The following ATP10D variants were observed in gnomAD, a reference collection of about 807,000 sequenced individuals.
ATP10D encodes the protein ATPase phospholipid transporting 10D (putative).
A neutral mutation model predicts 144.8 loss-of-function variants in ATP10D; 89 were observed. That is an observed-to-expected ratio of 0.61 (90% CI 0.52 to 0.73). The LOEUF (loss-of-function observed/expected upper bound fraction) is 0.73, where lower values mean the gene tolerates loss of function less well. ATP10D is among the 30% of genes least tolerant of loss of function. The pLI, the probability that ATP10D is intolerant of heterozygous loss-of-function variation, is 0.00. For synonymous variants in ATP10D, 571 were observed against 615.1 expected, an observed-to-expected ratio of 0.93 and a Z score of 1.06; for missense variants, 1,603 against 1,714.8, an observed-to-expected ratio of 0.93 and a Z score of 1.15.
intron 15 of ATP10D, among the ~76,000 whole-genome samples, chr4:47,566,060 A>G (rs918482286): frequency 1.3e-5 from 2 of 152,214 alleles, no homozygotes; most frequent in African/African-American, 4.8e-5. Flanking sequence ...GGAATCACTA[A>G]GAGTTTAAAA....
At chr4:47,554,951 C>T (rs970864894) in intron 11 of ATP10D, 37 bp downstream of exon 11, 2 of 1,574,504 alleles carry the variant, frequency 1.3e-6, no homozygotes, top group Admixed American at 3.4e-5. Flanking sequence ...GGGTCACTTT[C>T]CAGAAGAGAA....
At chr4:47,533,445 G>C (rs568907412) in intron 5 of ATP10D, among the ~76,000 whole-genome samples, 1 of 152,028 alleles carries the variant, frequency 6.6e-6, no homozygotes, top group Non-Finnish European at 1.5e-5. Context: ...TGATAAATCT[G>C]TCTTTCTCTT....
intron 10 of ATP10D, among the ~76,000 whole-genome samples, chr4:47,551,274 G>A (rs1718722060): frequency 6.6e-6 from 1 of 152,166 alleles, no homozygotes; most frequent in Non-Finnish European, 1.5e-5. Context: ...AATTATGAGG[G>A]TAAATCTAAA....
At chr4:47,495,878 C>G (rs1466763014) in intron 1 of ATP10D, among the ~76,000 whole-genome samples, 1 of 152,028 alleles carries the variant, frequency 6.6e-6, no homozygotes, top group Non-Finnish European at 1.5e-5. Context: ...GCTGGGATTA[C>G]CGGCATGCGC....
chr4:47,547,511 A>G (rs3924899), intron 10 of ATP10D: 36,286 of 152,114 alleles, frequency 0.24, 4,337 homozygotes, highest in Admixed American at 0.3. Flanking sequence ...CTGTGTGAAA[A>G]AAATTAGAAA....
intron 1 of ATP10D, among the ~76,000 whole-genome samples, chr4:47,486,914 C>T (rs1714789645): frequency 6.6e-6 from 1 of 152,134 alleles, no homozygotes; most frequent in South Asian, 2.1e-4. Context: ...AACCTGAATA[C>T]TTTTCATACT....
chr4:47,527,799 A>G (rs1717331676), intron 5 of ATP10D, among the ~76,000 whole-genome samples: 1 of 152,190 alleles, frequency 6.6e-6, no homozygotes, highest in Non-Finnish European at 1.5e-5. Flanking sequence ...GGAATGTAAA[A>G]TAGTACAACC....
chr4:47,506,406 T>C (rs1716022652), intron 1 of ATP10D, among the ~76,000 whole-genome samples: 1 of 152,224 alleles, frequency 6.6e-6, no homozygotes, highest in African/African-American at 2.4e-5. Context: ...GTTTCTTCAA[T>C]TCTGATCTTA....
intron 14 of ATP10D, among the ~76,000 whole-genome samples, chr4:47,563,161 A>T (rs576383867): frequency 2.0e-5 from 3 of 152,162 alleles, no homozygotes; most frequent in Admixed American, 6.5e-5. Context: ...GAGAGCCCAG[A>T]TTTCACCCCT....
intron 1 of ATP10D, chr4:47,491,595 G>T: frequency 3.1e-6 from 1 of 325,308 alleles, no homozygotes; most frequent in Non-Finnish European, 5.7e-6. Context: ...AGCAAGTCAG[G>T]GCTTCAGTTT....
intron 1 of ATP10D, among the ~76,000 whole-genome samples, chr4:47,488,245 C>A (rs1432499340): frequency 6.6e-6 from 1 of 151,532 alleles, no homozygotes; most frequent in Non-Finnish European, 1.5e-5. Context: ...GCAATGTATT[C>A]TGTAAAAAAG....
Position 47,559,040 on chromosome 4 carries a change from T to C in ATP10D, c.2541+11T>C, listed in dbSNP as rs777813912. The C allele has an allele frequency of 4.4e-6, 7 of 1,598,094 alleles. No homozygotes were observed. In the Admixed American group the frequency reaches 1.2e-4, roughly 27 times the overall value. ...TGTATAGCAAAGAAGGTGAGACTGC[T>C]TAGTGCGCTCCATCTTTTTTGTTTT... is the stretch of plus-strand genomic sequence containing the variant. On this transcript the variant is annotated intron_variant, in intron 13 of 22. Coordinates refer to ENST00000273859, the MANE Select transcript of ATP10D (RefSeq NM_020453.4).
At chr4:47,542,467 A>G (rs1047012850) in intron 9 of ATP10D, among the ~76,000 whole-genome samples, 7 of 151,940 alleles carry the variant, frequency 4.6e-5, no homozygotes, top group African/African-American at 1.7e-4. Context: ...TTTCTGAATC[A>G]CATTGTAACT....
intron 3 of ATP10D, among the ~76,000 whole-genome samples, chr4:47,518,422 T>G (rs1282440383): frequency 3.3e-5 from 5 of 152,176 alleles, no homozygotes; most frequent in Admixed American, 6.5e-5. Flanking sequence ...TTATAAGGTT[T>G]TAAAATCTGT....
At chr4:47,535,818 G>A (rs1717816624) in intron 6 of ATP10D, 84 bp from the exon 7 acceptor site, 3 of 1,455,540 alleles carry the variant, frequency 2.1e-6, no homozygotes, top group South Asian at 2.8e-5. Context: ...TTATTAAATT[G>A]TCTGCAAGAG....
chr4:47,556,887 A>T (rs952148644), intron 11 of ATP10D: 2 of 152,310 alleles, frequency 1.3e-5, no homozygotes, highest in South Asian at 4.1e-4. Context: ...AATAAGAAAA[A>T]GTTCTATGAA....
intron 14 of ATP10D, among the ~76,000 whole-genome samples, chr4:47,562,331 T>A (rs1560446725): frequency 6.6e-6 from 1 of 152,164 alleles, no homozygotes; most frequent in Non-Finnish European, 1.5e-5. Flanking sequence ...CAAATAGACA[T>A]TGTATCTTAC....
chr4:47,584,794 T>C (rs1411113752), intron 21 of ATP10D, among the ~76,000 whole-genome samples: 1 of 152,212 alleles, frequency 6.6e-6, no homozygotes, highest in Non-Finnish European at 1.5e-5. Flanking sequence ...TTTAGCAGCA[T>C]GAAGATCTTA....
chr4:47,549,764 G>T (rs141068511), intron 10 of ATP10D, among the ~76,000 whole-genome samples: 206 of 152,336 alleles, frequency 1.4e-3, no homozygotes, highest in African/African-American at 4.7e-3. Context: ...AAGAAAGGCT[G>T]CCCGGAAGAG....
Sources: gnomAD v4.1 joint callset for allele counts (sites outside exome capture counted in the v4.1 genomes callset) on GRCh38, gnomAD v4.1.1 for gene constraint, MANE v1.5 for transcripts, NCBI Gene and HGNC (gene_info 2026-07-23, HGNC 2026-07-21) for gene names.